The following GRIK3 variants were observed in gnomAD, a reference collection of about 807,000 sequenced individuals.
GRIK3 encodes the protein glutamate receptor ionotropic, kainate 3.
In GRIK3, 29 loss-of-function variants were observed where a neutral mutation model predicts 102.5. The observed-to-expected ratio is 0.28, with a 90% CI of 0.21 to 0.39. GRIK3 has a LOEUF of 0.39. Among genes scored for constraint, GRIK3 ranks in the 10% least tolerant of loss-of-function variants. GRIK3 has a pLI of 1.00. For missense variants in GRIK3, 908 were observed against 1,252.4 expected (o/e 0.73, Z 4.15); for synonymous variants, 511 against 504.9 (o/e 1.01, Z -0.16).
intron 1 of GRIK3, among the ~76,000 whole-genome samples, chr1:37,019,829 C>A (rs947805769): frequency 5.9e-5 from 9 of 152,334 alleles, no homozygotes; most frequent in African/African-American, 1.9e-4. Flanking sequence ...AGCCCCAAAT[C>A]CCCTCATACT....
intron 1 of GRIK3, among the ~76,000 whole-genome samples, chr1:36,957,007 G>A (rs1029009625): frequency 3.3e-5 from 5 of 152,230 alleles, no homozygotes; most frequent in Non-Finnish European, 7.3e-5. Context: ...GGGAGACCAG[G>A]AGCAAGACCC....
At chr1:36,934,335 C>G (rs1034466890) in intron 1 of GRIK3, among the ~76,000 whole-genome samples, 5 of 152,212 alleles carry the variant, frequency 3.3e-5, no homozygotes, top group Non-Finnish European at 5.9e-5. Context: ...TGACATTGCT[C>G]TCTCTTCCTG....
chr1:36,977,138 C>T (rs1001017268), intron 1 of GRIK3, among the ~76,000 whole-genome samples: 5 of 152,178 alleles, frequency 3.3e-5, no homozygotes, highest in Non-Finnish European at 7.3e-5. Flanking sequence ...CCGCATGGAC[C>T]ATTTGCCAGC....
chr1:36,920,694 C>T (rs1369945148), intron 1 of GRIK3, among the ~76,000 whole-genome samples: 1 of 152,222 alleles, frequency 6.6e-6, no homozygotes, highest in African/African-American at 2.4e-5. Context: ...CCAGGCTGGC[C>T]TCCAAGGCCT....
chr1:36,874,377 G>C (rs776281940), intron 3 of GRIK3, among the ~76,000 whole-genome samples: 5 of 152,170 alleles, frequency 3.3e-5, no homozygotes, highest in African/African-American at 4.8e-5. Context: ...CCATGACTGG[G>C]CATCAGGAAC....
chr1:36,879,689 G>A (rs1213550180), intron 3 of GRIK3, among the ~76,000 whole-genome samples: 5 of 152,170 alleles, frequency 3.3e-5, no homozygotes, highest in Non-Finnish European at 5.9e-5. Flanking sequence ...GACTTGGAAG[G>A]CAGGGCAGGA....
rs1267910418 is a variant in GRIK3 at position 36,796,884 on chromosome 1, T to A, written c.*4967A>T. 1 of 152,136 alleles carries A rather than the reference T, an allele frequency of 6.6e-6. No individual in the cohort carries two copies. The highest frequency in any genetic ancestry group is 1.5e-5 in the Non-Finnish European group (1 of 68,038). The allele number at this position is 152,136 out of a possible 1,614,324, so 9.4% of individuals were successfully genotyped here. A position where few individuals can be genotyped will look rare whatever the true frequency, so the allele number is the denominator to read the frequency against. ...TCTTTCCCAGCCCTTCTGCTCCTGA[T>A]GAATTGCCCCAGAACTAGAATGTAA... On this transcript the variant is annotated 3_prime_UTR_variant, in exon 16 of 16. Coordinates refer to ENST00000373091, the MANE Select transcript of GRIK3 (RefSeq NM_000831.4).
chr1:36,980,023 G>A (rs907725811), intron 1 of GRIK3, among the ~76,000 whole-genome samples: 4 of 152,190 alleles, frequency 2.6e-5, no homozygotes, highest in African/African-American at 7.2e-5. Context: ...AACACCACAA[G>A]CTCACATATT....
intron 1 of GRIK3, among the ~76,000 whole-genome samples, chr1:36,995,702 G>T (rs1004537841): frequency 2.0e-5 from 3 of 152,146 alleles, no homozygotes; most frequent in African/African-American, 7.2e-5. Context: ...CCCCTGGGTT[G>T]GTGTGCAGCC....
chr1:36,836,716 GAGATGTGACAACTTAGAGAGAAAAGAAT>G (rs1640383628), intron 10 of GRIK3, among the ~76,000 whole-genome samples: 1 of 152,198 alleles, frequency 6.6e-6, no homozygotes, highest in Non-Finnish European at 1.5e-5. Flanking sequence ...ATACTGCAGT[GAGATGTGACAACTTAGAGAGAAAAGAAT>G]CCATTTCCCG....
chr1:36,807,394 A>G (rs1228227269), intron 13 of GRIK3, among the ~76,000 whole-genome samples: 3 of 152,138 alleles, frequency 2.0e-5, no homozygotes, highest in Non-Finnish European at 4.4e-5. Flanking sequence ...GGCTGATCTC[A>G]GGGGAACAGG....
At chr1:36,993,425 G>A (rs766440174) in intron 1 of GRIK3, among the ~76,000 whole-genome samples, 1 of 152,088 alleles carries the variant, frequency 6.6e-6, no homozygotes, top group African/African-American at 2.4e-5. Flanking sequence ...ACCCCACCCC[G>A]CCTGGATGTG....
rs564254277 is a variant in GRIK3 at position 36,872,397 on chromosome 1, C to G, written c.551-28G>C. Reference sequence around the variant, plus strand: ...GAGGGGCCATGGAGCACAAAAGACACACGTGTACCACATGTATCCACAGCT... The same window carrying G: ...GAGGGGCCATGGAGCACAAAAGACAGACGTGTACCACATGTATCCACAGCT... On this transcript the variant is annotated intron_variant, in intron 3 of 15. Transcript: ENST00000373091. The surrounding 1 kb of genome is among the most constrained non-coding windows in gnomAD (Gnocchi z 5.9). 1 of 1,527,088 alleles carries G rather than the reference C, an allele frequency of 6.5e-7. No individual in the cohort carries two copies. The highest frequency in any genetic ancestry group is 8.9e-7 in the Non-Finnish European group (1 of 1,125,218). 94.6% of individuals were successfully genotyped at this position (1,527,088 alleles called of 1,614,324 possible). A position where few individuals can be genotyped will look rare whatever the true frequency, so the allele number is the denominator to read the frequency against.
chr1:36,957,118 G>T (rs1165536064), intron 1 of GRIK3, among the ~76,000 whole-genome samples: 11 of 152,382 alleles, frequency 7.2e-5, no homozygotes, highest in Admixed American at 5.9e-4. Flanking sequence ...AGGCTGGGCT[G>T]AGTCCTGAAC....
intron 1 of GRIK3, among the ~76,000 whole-genome samples, chr1:36,956,390 T>C (rs1326968331): frequency 2.6e-5 from 4 of 152,196 alleles, no homozygotes. Context: ...GCCATTTAAA[T>C]GACTCAAAGC....
chr1:36,936,090 C>T (rs1641654646), intron 1 of GRIK3, among the ~76,000 whole-genome samples: 1 of 152,124 alleles, frequency 6.6e-6, no homozygotes, highest in African/African-American at 2.4e-5. Context: ...ATAAATAACG[C>T]AAAGAGGAAC....
At chr1:37,001,611 GA>G (rs1011218301) in intron 1 of GRIK3, among the ~76,000 whole-genome samples, 89 of 147,774 alleles carry the variant, frequency 6.0e-4, no homozygotes, top group Middle Eastern at 3.5e-3. Flanking sequence ...CTGTCTTAAA[GA>G]AAAAAAAAAC....
chr1:36,830,832 A>AG (rs1274187081), intron 10 of GRIK3, among the ~76,000 whole-genome samples: 1 of 150,140 alleles, frequency 6.7e-6, no homozygotes, highest in African/African-American at 2.5e-5. Flanking sequence ...AAAAAAAAAA[A>AG]AAAAGAAAAG....
intron 1 of GRIK3, among the ~76,000 whole-genome samples, chr1:36,992,016 A>C (rs1642368269): frequency 6.6e-6 from 1 of 152,182 alleles, no homozygotes; most frequent in Admixed American, 6.5e-5. Flanking sequence ...GCAGTAAAAG[A>C]GGACCTGGGG....
Sources: allele counts gnomAD v4.1 joint callset (sites outside exome capture counted in the v4.1 genomes callset), GRCh38; gene constraint gnomAD v4.1.1; non-coding constraint Gnocchi (gnomAD v3.1); transcripts MANE v1.5; gene names NCBI Gene and HGNC (gene_info 2026-07-23, HGNC 2026-07-21).